The following CACNA1F variants were observed in gnomAD, a reference collection of about 807,000 sequenced individuals.
CACNA1F encodes voltage-dependent L-type calcium channel subunit alpha-1F.
Under a neutral mutation model 143.8 loss-of-function variants are expected in CACNA1F, and 59 were observed. The ratio of observed to expected loss-of-function variants is 0.41; its 90% CI spans 0.33 to 0.51. The LOEUF (loss-of-function observed/expected upper bound fraction) is 0.51, where lower values mean the gene tolerates loss of function less well. Ranked by LOEUF, CACNA1F falls within the 20% of genes least tolerant of loss-of-function variation. The pLI, the probability that CACNA1F is intolerant of heterozygous loss-of-function variation, is 0.22. For synonymous variants in CACNA1F, 643 were observed against 649.1 expected (o/e 0.99, Z 0.14); for missense variants, 1,411 against 1,647.5 (o/e 0.86, Z 2.48).
rs2065704580 is a variant in CACNA1F, at chrX:49,215,493, T to C, written c.3287A>G (p.Tyr1096Cys). Residue 1096 changes from tyrosine to cysteine, a missense_variant, in exon 28 of 48, where the codon TAT (tyrosine) becomes TGT (cysteine). Around this residue, in one of 3 missense-constraint regions of CACNA1F, gnomAD observed 950 missense variants for 1,128.1 expected, o/e 0.84. Coordinates refer to ENST00000323022, the MANE Select transcript of CACNA1F (RefSeq NM_001256789.3). ...DAYAEDHGPI[Y>C]NYRVEISVFF... ...CACTGAGATCTCCACACGGTAATTA[T>C]AGATGGGGCCGTGGTCCTCTGCATA... 4 of 1,198,610 alleles carry C rather than the reference T, an allele frequency of 3.3e-6. No individual in the cohort carries two copies. Among genetic ancestry groups the C allele is most frequent in the African/African-American group, 1.8e-5 (1 of 56,551 alleles).
rs146847449 is a variant in CACNA1F, at chrX:49,226,025, C to T, written c.1535G>A (p.Arg512His). 2.5e-4 allele frequency: 295 copies of T among 1,186,491 alleles called. 1 individual carries two copies. The East Asian group carries it at 3.9e-3, about 16-fold the overall frequency. ...GCAGGCATTGGACTTCACTGCCCGA[C>T]GGCAGCGTGCCCGAAGGACCCGGTT... ...RANRVLRARC[R>H]RAVKSNACYW... Residue 512 changes from arginine to histidine, a missense_variant, in exon 13 of 48, where the codon CGT becomes CAT. Arg to His is a conservative substitution (Grantham distance 29, BLOSUM62 0). Around this residue, in one of 3 missense-constraint regions of CACNA1F, gnomAD observed 950 missense variants for 1,128.1 expected, o/e 0.84. Coordinates refer to ENST00000323022, the MANE Select transcript of CACNA1F (RefSeq NM_001256789.3).
rs781943579 is a variant in CACNA1F, at chrX:49,228,565, T to C, written c.818-118A>G. The C allele has an allele frequency of 1.0e-4, 55 of 550,777 alleles. 1 individual carries two copies. In the South Asian group the frequency reaches 1.1e-3, roughly 11 times the overall value. 45.4% of individuals were successfully genotyped at this position (550,777 alleles called of 1,213,427 possible). Reference sequence around the variant, plus strand: ...GTCCTAGATTTTTCTCTTTCTCTCTTTCTTTCTTTCTTTTTTTGAGACGGG... The same window carrying C: ...GTCCTAGATTTTTCTCTTTCTCTCTCTCTTTCTTTCTTTTTTTGAGACGGG... On this transcript the variant is annotated intron_variant, in intron 6 of 47. Coordinates refer to ENST00000323022, the MANE Select transcript of CACNA1F (RefSeq NM_001256789.3).
In CACNA1F at chrX:49,217,817, G is replaced by A. The variant is rs2065733050; in HGVS notation, c.3037-10C>T. Reference sequence around the variant, plus strand: ...AGGTGTAGAATTTCCCCTGTAGAGAGGATGTCTGTCAAGTAGGTTCACCCT... The same window carrying A: ...AGGTGTAGAATTTCCCCTGTAGAGAAGATGTCTGTCAAGTAGGTTCACCCT... On this transcript the variant is annotated splice_polypyrimidine_tract_variant and intron_variant, in intron 25 of 47. Transcript: ENST00000323022. 8.3e-7 allele frequency: 1 copy of A among 1,206,334 alleles called. No individual in the cohort carries two copies. Among genetic ancestry groups the A allele is most frequent in the Non-Finnish European group, 1.1e-6 (1 of 890,836 alleles).
Position 49,206,764 on chromosome X carries a change from C to T in CACNA1F, c.5323G>A (p.Val1775Ile), listed in dbSNP as rs782708987. The T allele has an allele frequency of 9.1e-6, 11 of 1,208,177 alleles. No individual in the cohort carries two copies. Among genetic ancestry groups the T allele is most frequent in the Non-Finnish European group, 1.2e-5 (11 of 893,095 alleles). The change falls in exon 45 of 48, where the codon GTA becomes ATA. Residue 1775 changes from valine (V) to isoleucine (I), a missense_variant. This residue lies in a region of CACNA1F where 349 missense variants were observed against 350.2 expected (regional missense o/e 1.00). Coordinates refer to ENST00000323022, the MANE Select transcript of CACNA1F (RefSeq NM_001256789.3). ...GGGGGCAGCAGACGGCGGCGTGGTACCAGGTGCCCATCCATGTATCTCTGA... is the reference window on the plus strand; with the variant it reads ...GGGGGCAGCAGACGGCGGCGTGGTATCAGGTGCCCATCCATGTATCTCTGA... ...RAQRYMDGHL[V>I]PRRRLLPPTP...
chrX:49,208,531 C>T lies in CACNA1F; in HGVS notation c.5107G>A (p.Gly1703Arg), dbSNP rs144061962. 1 of 1,208,028 alleles carries T rather than the reference C, an allele frequency of 8.3e-7. No homozygotes were observed. Among genetic ancestry groups the T allele is most frequent in the Non-Finnish European group, 1.1e-6 (1 of 893,771 alleles). The change falls in exon 43 of 48, where the codon GGA becomes AGA. Residue 1703 changes from glycine to arginine, a missense_variant. Physicochemically the swap from Gly to Arg is moderately radical, Grantham distance 125. Transcript: ENST00000323022. The part of the protein sequence containing the change: ...TSSQPSVPQA[G>R]SNTHRRGSGA... The stretch of plus-strand genomic sequence containing the variant: ...TGATAATACCTGTGGGTGTTGGATC[C>T]AGCCTGGGGCACACTGGGCTGACTG...
chrX:49,216,849 C>T (rs1484707689), intron 26 of CACNA1F, among the ~76,000 whole-genome samples: 2 of 112,299 alleles, frequency 1.8e-5, no homozygotes, highest in Non-Finnish European at 3.8e-5. Flanking sequence ...TTATCATCCT[C>T]ATCATCGCCC....
rs2065649161 is a variant in CACNA1F at position 49,210,702 on chromosome X, A to T, written c.4389-16T>A. 2.6e-6 allele frequency: 3 copies of T among 1,175,282 alleles called. No homozygotes were observed. Among genetic ancestry groups the T allele is most frequent in the Non-Finnish European group, 2.3e-6 (2 of 866,876 alleles). On this transcript the variant is annotated splice_polypyrimidine_tract_variant and intron_variant, in intron 37 of 47. Coordinates refer to ENST00000323022, the MANE Select transcript of CACNA1F (RefSeq NM_001256789.3). ...GATGCGGCCCCTGGAGGAGTTGGGG[A>T]GGTACCACTGGATTGGCGATGCCCC...
intron 17 of CACNA1F, among the ~76,000 whole-genome samples, chrX:49,221,395 C>T (rs1460745359): frequency 5.4e-5 from 6 of 111,813 alleles, no homozygotes; most frequent in Non-Finnish European, 1.9e-5. Flanking sequence ...TCCTTCCTCA[C>T]TCCATTCCAG....
rs373277911 is a variant in CACNA1F at position 49,209,658 on chromosome X, C to T, written c.4792G>A (p.Ala1598Thr). The T allele has an allele frequency of 9.2e-5, 111 of 1,209,486 alleles. No individual in the cohort carries two copies. The highest frequency in any genetic ancestry group is 1.2e-4 in the Non-Finnish European group (109 of 894,677). ...AGGGCGGAAGAGGTGCTAGGGGCGG[C>T]GTCGTTGCCTAGTAGCCCTTTTTCT... ...RKEKGLLGNDAAPSTSSALQA... is the reference protein window; with the variant it reads ...RKEKGLLGNDTAPSTSSALQA... The change falls in exon 41 of 48, where the codon GCC becomes ACC. Residue 1598 changes from alanine (A) to threonine (T), a missense_variant. This residue lies in a region of CACNA1F where 349 missense variants were observed against 350.2 expected (regional missense o/e 1.00). Coordinates refer to ENST00000323022, the MANE Select transcript of CACNA1F (RefSeq NM_001256789.3).
chrX:49,232,709 G>C (rs1336374204), intron 1 of CACNA1F, among the ~76,000 whole-genome samples: 1 of 112,104 alleles, frequency 8.9e-6, no homozygotes, highest in Non-Finnish European at 1.9e-5. Context: ...AAAAAGTTAA[G>C]TGACTTGCTG....
At chrX:49,211,291 G>A in intron 36 of CACNA1F, 31 bp downstream of exon 36, 1 of 1,204,780 alleles carries the variant, frequency 8.3e-7, no homozygotes, top group Non-Finnish European at 1.1e-6. Flanking sequence ...CCCCGTGACG[G>A]TGGTGGTGGT....
At chrX:49,205,569 C>T in intron 47 of CACNA1F, 47 bp downstream of exon 47, 1 of 1,132,893 alleles carries the variant, frequency 8.8e-7, no homozygotes, top group Non-Finnish European at 1.2e-6. Flanking sequence ...TACCCACCTC[C>T]TCCCCTTCTC....
intron 26 of CACNA1F, among the ~76,000 whole-genome samples, chrX:49,217,229 G>A (rs782127701): frequency 1.8e-5 from 2 of 112,821 alleles, no homozygotes; most frequent in Non-Finnish European, 1.9e-5. Context: ...AAAGTGCTGG[G>A]ATTACAGGCG....
In CACNA1F at chrX:49,231,659, C is replaced by A. The variant is rs1557111384; in HGVS notation, c.275+19G>T. ...TGATGACCCTTACCCCTGGGCCCTG[C>A]CCCTGCCTTCCAGGATGCTTCCACT... On this transcript the variant is annotated intron_variant, in intron 2 of 47. Coordinates refer to ENST00000323022, the MANE Select transcript of CACNA1F (RefSeq NM_001256789.3). The A allele has an allele frequency of 1.7e-6, 2 of 1,210,856 alleles. No individual in the cohort carries two copies.
At chrX:49,219,816 A>T in intron 19 of CACNA1F, 26 bp from the exon 20 acceptor site, 1 of 939,704 alleles carries the variant, frequency 1.1e-6, no homozygotes, top group African/African-American at 1.9e-5. Context: ...AGCAAAAAAA[A>T]ATTAATTGAG....
In CACNA1F at chrX:49,205,597, A is replaced by G. The variant is rs782668306; in HGVS notation, c.5670+19T>C. ...CCCTTCTCCCCCATCCGTCTTGTCTATATGCCCTCTGGACTCACAGCCTCC... is the reference window on the plus strand; with the variant it reads ...CCCTTCTCCCCCATCCGTCTTGTCTGTATGCCCTCTGGACTCACAGCCTCC... On this transcript the variant is annotated intron_variant, in intron 47 of 47. Transcript: ENST00000323022. The G allele has an allele frequency of 5.0e-6, 6 of 1,190,851 alleles. No homozygotes were observed. Among genetic ancestry groups the G allele is most frequent in the Non-Finnish European group, 6.8e-6 (6 of 883,042 alleles).
In CACNA1F at chrX:49,211,274, G is replaced by T. The variant is rs782159881; in HGVS notation, c.4260+48C>A. 8.4e-6 allele frequency: 10 copies of T among 1,194,983 alleles called. No homozygotes were observed. In the South Asian group the frequency reaches 1.6e-4, roughly 19 times the overall value. ...CACGTCACATCCCTGAGCCCCTCAG[G>T]GCCAGCCCCCGTGACGGTGGTGGTG... is the stretch of plus-strand genomic sequence containing the variant. On this transcript the variant is annotated intron_variant, in intron 36 of 47. Transcript: ENST00000323022.
Position 49,208,569 on chromosome X carries a change from C to T in CACNA1F, c.5069G>A (p.Gly1690Glu). The T allele has an allele frequency of 1.7e-6, 2 of 1,210,248 alleles. No individual in the cohort carries two copies. The highest frequency in any genetic ancestry group is 1.1e-6 in the Non-Finnish European group (1 of 894,565). ...ACTGGGCTGACTGGAGGTGGGAGTCCCCCTGTCATCATCACTGGGCCCAAA... is the reference window on the plus strand; with the variant it reads ...ACTGGGCTGACTGGAGGTGGGAGTCTCCCTGTCATCATCACTGGGCCCAAA... ...LSFGPSDDDR[G>E]TPTSSQPSVP... Residue 1690 changes from glycine to glutamate, a missense_variant, in exon 43 of 48, where the codon GGG becomes GAG. Coordinates refer to ENST00000323022, the MANE Select transcript of CACNA1F (RefSeq NM_001256789.3).
Position 49,222,547 on chromosome X carries a change from C to T in CACNA1F, c.2263G>A (p.Ala755Thr). 8.3e-7 allele frequency: 1 copy of T among 1,210,253 alleles called. No individual in the cohort carries two copies. The highest frequency in any genetic ancestry group is 1.1e-6 in the Non-Finnish European group (1 of 894,446). ...IAVDNLASGD[A>T]GTAKDKGGEK... ...CCGCCCTTGTCCTTGGCAGTGCCTG[C>T]ATCTCCACTGGCCAGGTTGTCCACA... Residue 755 changes from alanine to threonine, a missense_variant, in exon 17 of 48, where the codon GCA becomes ACA. Physicochemically the swap from Ala to Thr is moderately conservative, Grantham distance 58. Coordinates refer to ENST00000323022, the MANE Select transcript of CACNA1F (RefSeq NM_001256789.3).
Sources: gnomAD v4.1 joint callset for allele counts (sites outside exome capture counted in the v4.1 genomes callset) on GRCh38, gnomAD v4.1.1 for gene constraint, gnomAD v4.1.1 regional missense constraint, MANE v1.5 for transcripts, NCBI Gene and HGNC (gene_info 2026-07-23, HGNC 2026-07-21) for gene names.